The following CPNE4 variants were observed in gnomAD, a reference collection of about 807,000 sequenced individuals.
CPNE4 encodes the protein copine-4.
CPNE4 carries 25 observed loss-of-function variants against 67.9 expected under a neutral mutation model. The observed-to-expected ratio is 0.37, with a 90% CI of 0.27 to 0.51. The LOEUF (loss-of-function observed/expected upper bound fraction) is 0.51. CPNE4 is among the 20% of genes least tolerant of loss of function. The pLI, the probability that CPNE4 is intolerant of heterozygous loss-of-function variation, is 0.93. For missense variants in CPNE4, 464 were observed against 690.8 expected, an observed-to-expected ratio of 0.67 and a Z score of 3.68; for synonymous variants, 242 against 244.9, an observed-to-expected ratio of 0.99 and a Z score of 0.11.
intron 5 of CPNE4, among the ~76,000 whole-genome samples, chr3:131,691,348 A>G (rs2081028892): frequency 6.6e-6 from 1 of 152,210 alleles, no homozygotes; most frequent in Admixed American, 6.6e-5. Flanking sequence ...TTTGGCACTT[A>G]TATACCATAG....
intron 1 of CPNE4, among the ~76,000 whole-genome samples, chr3:131,978,108 TA>T (rs1286577603): frequency 0.033 from 2,076 of 62,390 alleles, 114 homozygotes; most frequent in African/African-American, 0.16. Context: ...TAAATATATA[TA>T]AAATATATAT....
intron 2 of CPNE4, among the ~76,000 whole-genome samples, chr3:131,848,956 CAAAAAAAA>C (rs67407668): frequency 0.02 from 1,562 of 79,630 alleles, 58 homozygotes; most frequent in Admixed American, 0.09. Flanking sequence ...GTAGTGATTA[CAAAAAAAA>C]AAAAAAAAAA....
chr3:131,725,596 C>T (rs985279226), intron 2 of CPNE4, among the ~76,000 whole-genome samples: 1 of 152,102 alleles, frequency 6.6e-6, no homozygotes, highest in Non-Finnish European at 1.5e-5. Flanking sequence ...TGTGCAGGTA[C>T]AAGAATTTAC....
intron 7 of CPNE4, among the ~76,000 whole-genome samples, chr3:131,611,058 CT>C (rs879377773): frequency 2.0e-5 from 3 of 152,112 alleles, no homozygotes; most frequent in Non-Finnish European, 2.9e-5. Context: ...TTCCTGTTTT[CT>C]TATAATCAGC....
chr3:132,000,028 G>A (rs990428211), intron 1 of CPNE4, among the ~76,000 whole-genome samples: 9 of 142,178 alleles, frequency 6.3e-5, no homozygotes, highest in Admixed American at 2.2e-4. Flanking sequence ...TACATCTACT[G>A]TGCCCCTATA....
chr3:131,913,517 G>A (rs761161809), intron 1 of CPNE4, among the ~76,000 whole-genome samples: 5 of 152,162 alleles, frequency 3.3e-5, no homozygotes, highest in South Asian at 2.1e-4. Context: ...AAGAAGGGAC[G>A]CAAGACCCCA....
chr3:131,875,680 C>G lies in CPNE4; in HGVS notation c.180+29584G>C, dbSNP rs568180441. ...GGAACATCACACACCCAGGCCTGTC[C>G]TGGGGTGGGGGGAGGGGGGAGGGAT... On this transcript the variant is annotated intron_variant, in intron 2 of 15. Coordinates refer to ENST00000429747, the MANE Select transcript of CPNE4 (RefSeq NM_130808.3). 3.9e-3 allele frequency among the ~76,000 whole-genome samples: 568 copies of G among 144,384 alleles called. 4 individuals are homozygous for G. Among genetic ancestry groups the G allele is most frequent in the African/African-American group, 0.014 (548 of 38,478 alleles). The allele number at this position is 144,384 out of a possible 152,430, so 94.7% of individuals were successfully genotyped here.
At chr3:131,542,891 C>T in intron 14 of CPNE4, 98 bp from the exon 15 acceptor site, 3 of 790,492 alleles carry the variant, frequency 3.8e-6, no homozygotes, top group Non-Finnish European at 2.1e-6. Flanking sequence ...CCTCACTGCA[C>T]ATTGACCAAA....
chr3:131,757,410 T>C (rs2137605), intron 2 of CPNE4, among the ~76,000 whole-genome samples: 12,204 of 152,220 alleles, frequency 0.08, 543 homozygotes, highest in South Asian at 0.14. Context: ...GCCCCTGCCA[T>C]AGAGATTTGT....
chr3:131,978,831 G>T (rs2072825383), intron 1 of CPNE4, among the ~76,000 whole-genome samples: 1 of 151,498 alleles, frequency 6.6e-6, no homozygotes, highest in African/African-American at 2.4e-5. Flanking sequence ...GGCCTTTAGG[G>T]CTATGAACTT....
chr3:131,909,995 A>C (rs899723741), intron 1 of CPNE4, among the ~76,000 whole-genome samples: 13 of 152,158 alleles, frequency 8.5e-5, no homozygotes, highest in African/African-American at 3.1e-4. Flanking sequence ...AAATGGGCAT[A>C]ATCAAATAAA....
intron 1 of CPNE4, among the ~76,000 whole-genome samples, chr3:131,964,740 A>G (rs907693370): frequency 1.3e-5 from 2 of 152,132 alleles, no homozygotes; most frequent in East Asian, 1.9e-4. Flanking sequence ...AACCAAACCT[A>G]CAATTGATTG....
At chr3:131,689,047 A>G (rs11709326) in intron 5 of CPNE4, among the ~76,000 whole-genome samples, 14,667 of 152,244 alleles carry the variant, frequency 0.096, 793 homozygotes, top group Non-Finnish European at 0.11. Flanking sequence ...TAAAATGTCA[A>G]TGAAAGAAAG....
chr3:131,612,542 T>C (rs906352500), intron 7 of CPNE4, among the ~76,000 whole-genome samples: 3 of 152,026 alleles, frequency 2.0e-5, no homozygotes, highest in Non-Finnish European at 4.4e-5. Context: ...ATCCATAGAG[T>C]GGTGAAAGAG....
chr3:131,708,125 G>T (rs2081459740), intron 3 of CPNE4, among the ~76,000 whole-genome samples: 1 of 152,134 alleles, frequency 6.6e-6, no homozygotes, highest in Admixed American at 6.5e-5. Context: ...GAAAAGGGGT[G>T]GATAGTAGAG....
chr3:131,906,600 G>A (rs980548424), intron 1 of CPNE4, among the ~76,000 whole-genome samples: 1 of 151,832 alleles, frequency 6.6e-6, no homozygotes, highest in Non-Finnish European at 1.5e-5. Context: ...TTTTATGGCT[G>A]CATAGTATTC....
intron 3 of CPNE4, among the ~76,000 whole-genome samples, chr3:131,711,562 G>T (rs1180734977): frequency 6.6e-6 from 1 of 152,122 alleles, no homozygotes. Flanking sequence ...TGGAGATTAG[G>T]CCCAAGAGCA....
chr3:132,028,843 T>A (rs1041909062), intron 1 of CPNE4, among the ~76,000 whole-genome samples: 5 of 151,650 alleles, frequency 3.3e-5, no homozygotes, highest in African/African-American at 1.2e-4. Context: ...AAAAAAAGAA[T>A]GTAAAATATC....
intron 6 of CPNE4, among the ~76,000 whole-genome samples, chr3:131,684,649 C>T (rs777081409): frequency 2.0e-5 from 3 of 152,136 alleles, no homozygotes; most frequent in Non-Finnish European, 2.9e-5. Context: ...GCAACCACAC[C>T]ACCACCTTAT....
Sources: gnomAD v4.1 joint callset for allele counts (sites outside exome capture counted in the v4.1 genomes callset) on GRCh38, gnomAD v4.1.1 for gene constraint, MANE v1.5 for transcripts, NCBI Gene and HGNC (gene_info 2026-07-23, HGNC 2026-07-21) for gene names.